LRRC56: variants seen among roughly 807,000 people sequenced by gnomAD.
The protein encoded by LRRC56 is leucine-rich repeat-containing protein 56.
In LRRC56, 41 loss-of-function variants were observed where a neutral mutation model predicts 47.8. The observed-to-expected ratio is 0.86, with a 90% CI of 0.67 to 1.11. The LOEUF is 1.11. Ranked by LOEUF, LRRC56 falls within the 50% of genes most tolerant of loss-of-function variation. The pLI is 0.00. For missense variants in LRRC56, 759 were observed against 704.2 expected, an observed-to-expected ratio of 1.08 and a Z score of -0.88; for synonymous variants, 387 against 311.2, an observed-to-expected ratio of 1.24 and a Z score of -2.56.
At position 554,617 on chromosome 11, in the gene LRRC56, G is replaced by A. The variant is rs112815689; in HGVS notation, c.*341G>A. On this transcript the variant is annotated 3_prime_UTR_variant, in exon 14 of 14. Coordinates refer to ENST00000270115, the MANE Select transcript of LRRC56 (RefSeq NM_198075.4). Reference sequence around the variant, plus strand: ...TCTCCTGCTAGAATTGGGCATGGCCGAGGGGCAGGGGCTGGAGCTGCGAGT... The same window carrying A: ...TCTCCTGCTAGAATTGGGCATGGCCAAGGGGCAGGGGCTGGAGCTGCGAGT... 2,956 of 402,092 alleles carry A rather than the reference G, an allele frequency of 7.4e-3. 81 individuals carry two copies. The highest frequency in any genetic ancestry group is 0.055 in the African/African-American group (2,649 of 47,992). 24.9% of individuals were successfully genotyped at this position (402,092 alleles called of 1,614,324 possible).
chr11:519,273 CG>C, the LRRC56 span, among the ~76,000 whole-genome samples: 514 of 137,742 alleles, frequency 3.7e-3, 35 homozygotes, highest in African/African-American at 0.012. Context: ...TATTAGAACG[CG>C]GGCTGATACA....
chr11:522,947 C>G, the LRRC56 span, among the ~76,000 whole-genome samples: 1 of 152,176 alleles, frequency 6.6e-6, no homozygotes, highest in Non-Finnish European at 1.5e-5. Context: ...CGAGGTTTCA[C>G]CATGTTGGCC....
upstream of LRRC56, chr11:535,380 G>A (rs1021122025): frequency 6.8e-6 from 1 of 147,070 alleles, no homozygotes; most frequent in Non-Finnish European, 1.5e-5. Context: ...GGGGCGAGGA[G>A]GGCGCGCGGC....
Position 554,340 on chromosome 11 carries a change from G to A in LRRC56, c.*64G>A. On this transcript the variant is annotated 3_prime_UTR_variant, in exon 14 of 14. Coordinates refer to ENST00000270115, the MANE Select transcript of LRRC56 (RefSeq NM_198075.4). ...CGACTTGCCCACATATGTGGTCACAGAGCACAGAATACCTGGGCGGGTGTG... is the reference window on the plus strand; with the variant it reads ...CGACTTGCCCACATATGTGGTCACAAAGCACAGAATACCTGGGCGGGTGTG... The A allele has an allele frequency of 7.2e-7, 1 of 1,381,062 alleles. No individual in the cohort carries two copies. The highest frequency in any genetic ancestry group is 1.5e-5 in the African/African-American group (1 of 67,796). 85.6% of individuals were successfully genotyped at this position (1,381,062 alleles called of 1,614,324 possible).
At chr11:522,457 G>A in the LRRC56 span, among the ~76,000 whole-genome samples, 1 of 152,068 alleles carries the variant, frequency 6.6e-6, no homozygotes, top group African/African-American at 2.4e-5. Flanking sequence ...TAGTTGAGAC[G>A]GGGTTTCACT....
At chr11:546,778 C>T (rs1852103638) in intron 6 of LRRC56, among the ~76,000 whole-genome samples, 2 of 151,834 alleles carry the variant, frequency 1.3e-5, no homozygotes, top group African/African-American at 2.4e-5. Context: ...CCCAGCCAGG[C>T]GGGTTGGCTC....
At chr11:519,031 G>T in the LRRC56 span, among the ~76,000 whole-genome samples, 2 of 151,286 alleles carry the variant, frequency 1.3e-5, no homozygotes, top group Non-Finnish European at 3.0e-5. Context: ...TTCTCCGAAA[G>T]CCGCGAGGGC....
At chr11:536,279 C>T (rs535854462), upstream of LRRC56, among the ~76,000 whole-genome samples, 77 of 152,346 alleles carry the variant, frequency 5.1e-4, no homozygotes, top group Middle Eastern at 3.4e-3. Context: ...CGCCCAGTCC[C>T]CCCAAACTTG....
At chr11:537,472 C>T (rs1851567640), upstream of LRRC56, 2 of 152,264 alleles carry the variant, frequency 1.3e-5, no homozygotes, top group Non-Finnish European at 2.9e-5. Flanking sequence ...TGAGGCCTGG[C>T]TCCCGTTGCT....
the LRRC56 span, among the ~76,000 whole-genome samples, chr11:518,770 G>C: frequency 3.1e-4 from 47 of 152,132 alleles, no homozygotes; most frequent in Non-Finnish European, 6.0e-4. Context: ...TGCCCACGAC[G>C]GGGCCGCCGG....
At chr11:514,668 A>G in the LRRC56 span, among the ~76,000 whole-genome samples, 3 of 152,148 alleles carry the variant, frequency 2.0e-5, no homozygotes, top group Admixed American at 6.6e-5. Flanking sequence ...GGAGTGGTCA[A>G]TAAAGTATTT....
intron 13 of LRRC56, among the ~76,000 whole-genome samples, chr11:553,695 C>T (rs1852564728): frequency 6.6e-6 from 1 of 152,186 alleles, no homozygotes; most frequent in Non-Finnish European, 1.5e-5. Context: ...CTTGTGGTCT[C>T]CTTCTCAGGG....
chr11:516,434 C>G, the LRRC56 span, among the ~76,000 whole-genome samples: 4 of 152,032 alleles, frequency 2.6e-5, no homozygotes, highest in Admixed American at 6.6e-5. Context: ...GCATAGAATG[C>G]CCTCTCACTT....
At chr11:533,389 G>A (rs1415816450), upstream of LRRC56, 3 of 1,606,410 alleles carry the variant, frequency 1.9e-6, no homozygotes, top group South Asian at 2.2e-5. Context: ...AGTGAGTGCT[G>A]CTCCCTGGCT....
At chr11:506,638 G>C in the LRRC56 span, 1 of 152,352 alleles carries the variant, frequency 6.6e-6, no homozygotes, top group Non-Finnish European at 1.5e-5. Flanking sequence ...TGTGGGAGCC[G>C]TTCGAGTCTT....
At chr11:518,306 G>C in the LRRC56 span, among the ~76,000 whole-genome samples, 14,792 of 151,714 alleles carry the variant, frequency 0.097, 997 homozygotes, top group Admixed American at 0.19. Context: ...CTCAGCCTTA[G>C]GAGTAGCTGG....
chr11:549,794 C>T, intron 6 of LRRC56, 108 bp from the exon 7 acceptor site: 1 of 880,824 alleles, frequency 1.1e-6, no homozygotes, highest in Admixed American at 2.0e-5. Flanking sequence ...AGTCTAGAGG[C>T]CACCATAGGT....
chr11:547,414 C>T (rs1313454952), intron 6 of LRRC56, among the ~76,000 whole-genome samples: 2 of 151,520 alleles, frequency 1.3e-5, no homozygotes, highest in African/African-American at 2.4e-5. Flanking sequence ...AGTGCAGTGG[C>T]GCAATCTCGG....
the LRRC56 span, among the ~76,000 whole-genome samples, chr11:522,066 A>C: frequency 6.6e-6 from 1 of 152,166 alleles, no homozygotes; most frequent in Non-Finnish European, 1.5e-5. Flanking sequence ...ATTAAATGCA[A>C]ATGGTCCAAG....
Sources: allele counts gnomAD v4.1 joint callset (sites outside exome capture counted in the v4.1 genomes callset), GRCh38; gene constraint gnomAD v4.1.1; transcripts MANE v1.5; gene names NCBI Gene and HGNC (gene_info 2026-07-23, HGNC 2026-07-21).